The following CTNNA2 variants were observed in gnomAD, a reference collection of about 807,000 sequenced individuals.
CTNNA2 encodes catenin alpha 2, also known as catenin alpha-2.
CTNNA2 carries 42 observed loss-of-function variants against 101.0 expected under a neutral mutation model. The ratio of observed to expected loss-of-function variants is 0.42; its 90% CI spans 0.32 to 0.54. CTNNA2 has a LOEUF of 0.54. Ranked by LOEUF, CTNNA2 falls within the 20% of genes least tolerant of loss-of-function variation. The pLI is 0.14. For missense variants in CTNNA2, 871 were observed against 1,223.1 expected (o/e 0.71, Z 4.29); for synonymous variants, 450 against 456.4 (o/e 0.99, Z 0.18).
intron 9 of CTNNA2, among the ~76,000 whole-genome samples, chr2:80,518,951 A>G (rs559297980): frequency 1.3e-4 from 19 of 150,088 alleles, no homozygotes; most frequent in African/African-American, 4.2e-4. Context: ...TTAAGAGGGT[A>G]AGATAATTTA....
intron 8 of CTNNA2, among the ~76,000 whole-genome samples, chr2:80,399,853 A>C (rs1678393611): frequency 6.6e-6 from 1 of 152,214 alleles, no homozygotes; most frequent in African/African-American, 2.4e-5. Flanking sequence ...CTAAGCAGGG[A>C]AACTTAGAAT....
intron 7 of CTNNA2, among the ~76,000 whole-genome samples, chr2:80,026,046 G>A (rs998541585): frequency 6.6e-6 from 1 of 152,200 alleles, no homozygotes. Context: ...GGGGAAGAGG[G>A]TGAGCTGGGA....
intron 7 of CTNNA2, among the ~76,000 whole-genome samples, chr2:80,138,432 A>G (rs1227204491): frequency 1.3e-5 from 2 of 152,136 alleles, no homozygotes; most frequent in Non-Finnish European, 1.5e-5. Flanking sequence ...GCCTCATCAA[A>G]TTGTTATGAT....
Position 79,874,715 on chromosome 2 carries a change from G to A in CTNNA2, c.852+373G>A, listed in dbSNP as rs562816841. Among the ~76,000 whole-genome samples, 15 of 152,280 alleles carry A rather than the reference G, an allele frequency of 9.9e-5. No homozygotes were observed. In the East Asian group the frequency reaches 2.9e-3, roughly 30 times the overall value. ...CCCAGCTACTCGGGAGGCTGCGGCA[G>A]GAGAATCGCTTAAACTCGGGAGGCG... On this transcript the variant is annotated intron_variant, in intron 6 of 18. Coordinates refer to ENST00000402739, the MANE Select transcript of CTNNA2 (RefSeq NM_001282597.3).
intron 1 of CTNNA2, among the ~76,000 whole-genome samples, chr2:79,620,049 C>T (rs1441436209): frequency 6.6e-6 from 1 of 152,146 alleles, no homozygotes; most frequent in Non-Finnish European, 1.5e-5. Flanking sequence ...GCGATAGATT[C>T]TAAGGTCTTT....
At chr2:79,536,549 A>G (rs1320759616) in intron 1 of CTNNA2, among the ~76,000 whole-genome samples, 1 of 140,052 alleles carries the variant, frequency 7.1e-6, no homozygotes, top group African/African-American at 2.6e-5. Flanking sequence ...AAGTTAGCAT[A>G]TATACACCTA....
intron 4 of CTNNA2, among the ~76,000 whole-genome samples, chr2:79,422,304 G>A (rs543264380): frequency 6.6e-6 from 1 of 152,082 alleles, no homozygotes; most frequent in East Asian, 1.9e-4. Flanking sequence ...TCTAAACCAG[G>A]GGGAGTTTTG....
At chr2:80,103,906 G>A (rs1022335748) in intron 7 of CTNNA2, among the ~76,000 whole-genome samples, 5 of 152,132 alleles carry the variant, frequency 3.3e-5, no homozygotes, top group African/African-American at 1.2e-4. Context: ...GCTAACTTTT[G>A]TATTTTTAGT....
At chr2:80,501,452 C>T (rs1687876649) in intron 9 of CTNNA2, among the ~76,000 whole-genome samples, 1 of 152,164 alleles carries the variant, frequency 6.6e-6, no homozygotes, top group African/African-American at 2.4e-5. Context: ...GGTTAGAGAA[C>T]TGCTTTAGTT....
intron 7 of CTNNA2, among the ~76,000 whole-genome samples, chr2:80,020,444 G>T (rs565871916): frequency 5.1e-4 from 77 of 152,260 alleles, no homozygotes; most frequent in African/African-American, 1.7e-3. Flanking sequence ...TGAAGATAAA[G>T]TTCTCATTTT....
intron 3 of CTNNA2, among the ~76,000 whole-genome samples, chr2:79,775,769 A>G (rs1673917728): frequency 3.3e-5 from 5 of 152,170 alleles, no homozygotes; most frequent in Admixed American, 2.6e-4. Context: ...TAGGTGTTGC[A>G]TAGTAGACAG....
At chr2:79,737,638 A>G (rs961555482) in intron 2 of CTNNA2, among the ~76,000 whole-genome samples, 6 of 152,174 alleles carry the variant, frequency 3.9e-5, no homozygotes, top group African/African-American at 1.4e-4. Context: ...TGAATCAACT[A>G]TTAGTAGGTC....
intron 7 of CTNNA2, among the ~76,000 whole-genome samples, chr2:80,082,648 T>TA (rs1423401827): frequency 6.6e-6 from 1 of 152,148 alleles, no homozygotes; most frequent in East Asian, 1.9e-4. Flanking sequence ...TGTATTTTAT[T>TA]AAAAACTATT....
chr2:79,877,270 T>A (rs962388171), intron 6 of CTNNA2, among the ~76,000 whole-genome samples: 1 of 152,110 alleles, frequency 6.6e-6, no homozygotes, highest in Non-Finnish European at 1.5e-5. Flanking sequence ...ATAATTCCAT[T>A]TGATGTGGTT....
chr2:80,362,452 C>G (rs138720345), intron 7 of CTNNA2, among the ~76,000 whole-genome samples: 2 of 152,148 alleles, frequency 1.3e-5, no homozygotes, highest in East Asian at 3.9e-4. Context: ...ACTCAATCTT[C>G]TTGAATCTTT....
At chr2:79,611,843 C>T (rs768354484) in intron 1 of CTNNA2, among the ~76,000 whole-genome samples, 1 of 152,140 alleles carries the variant, frequency 6.6e-6, no homozygotes, top group South Asian at 2.1e-4. Flanking sequence ...TAAATAACCA[C>T]GCTTTGACTT....
At chr2:79,738,758 G>T (rs956451382) in intron 2 of CTNNA2, among the ~76,000 whole-genome samples, 1 of 152,192 alleles carries the variant, frequency 6.6e-6, no homozygotes, top group Admixed American at 6.5e-5. Flanking sequence ...GCTACAGGAG[G>T]TGAGAGGATT....
chr2:80,116,074 G>T (rs780183342), intron 7 of CTNNA2, among the ~76,000 whole-genome samples: 4 of 151,800 alleles, frequency 2.6e-5, no homozygotes, highest in African/African-American at 7.3e-5. Flanking sequence ...TCCCGTAAAG[G>T]TCAGGCAGTA....
intron 1 of CTNNA2, among the ~76,000 whole-genome samples, chr2:79,565,733 G>A (rs1453174002): frequency 1.3e-5 from 2 of 152,066 alleles, no homozygotes; most frequent in African/African-American, 2.4e-5. Flanking sequence ...TAGTAAACAA[G>A]TAACTCAGTT....
Sources: allele counts gnomAD v4.1 joint callset (sites outside exome capture counted in the v4.1 genomes callset), GRCh38; gene constraint gnomAD v4.1.1; transcripts MANE v1.5; gene names NCBI Gene and HGNC (gene_info 2026-07-23, HGNC 2026-07-21).